The following CCDC50 variants were observed in gnomAD, a reference collection of about 807,000 sequenced individuals.
CCDC50 encodes coiled-coil domain containing 50.
CCDC50 carries 54 observed loss-of-function variants against 70.2 expected under a neutral mutation model. The ratio of observed to expected loss-of-function variants is 0.77; its 90% CI spans 0.62 to 0.96. The LOEUF is 0.96. Among genes scored for constraint, CCDC50 ranks in the 50% least tolerant of loss-of-function variants. The pLI is 0.00. For missense variants in CCDC50, 558 were observed against 578.7 expected (o/e 0.96, Z 0.37); for synonymous variants, 216 against 198.8 (o/e 1.09, Z -0.73).
rs533982166 is a variant in CCDC50, at chr3:191,355,565, G to A, written c.50-1523G>A. On this transcript the variant is annotated intron_variant, in intron 1 of 11. Coordinates refer to ENST00000392455, the MANE Select transcript of CCDC50 (RefSeq NM_178335.3). ...CCAAGCCCTGTCACCAGTGAACTCT[G>A]TACAGCCTTAGAAAACCCCTTCTTC... 3.0e-3 allele frequency among the ~76,000 whole-genome samples: 462 copies of A among 152,264 alleles called. 2 individuals carry two copies. Among genetic ancestry groups the A allele is most frequent in the African/African-American group, 0.011 (445 of 41,542 alleles).
At chr3:191,329,970 C>G (rs1345321084) in intron 1 of CCDC50, among the ~76,000 whole-genome samples, 2 of 138,216 alleles carry the variant, frequency 1.4e-5, no homozygotes, top group Non-Finnish European at 3.1e-5. Flanking sequence ...GCAGCAGCCC[C>G]AGCAAGTAGG....
chr3:191,387,915 C>G (rs1340047276), intron 10 of CCDC50, among the ~76,000 whole-genome samples: 1 of 152,062 alleles, frequency 6.6e-6, no homozygotes, highest in African/African-American at 2.4e-5. Flanking sequence ...GGGCCTGAGT[C>G]ACTTCTTAAG....
At chr3:191,337,853 G>C (rs983128247) in intron 1 of CCDC50, among the ~76,000 whole-genome samples, 1 of 151,388 alleles carries the variant, frequency 6.6e-6, no homozygotes, top group Non-Finnish European at 1.5e-5. Flanking sequence ...TTATATTATT[G>C]GTCCTGTTTA....
In CCDC50 at chr3:191,397,866, T is replaced by C. The variant is rs1713912201; in HGVS notation, c.*6106T>C. ...TTCGTGGAATTGAACAGAACCTTGA[T>C]GGAATGCAGTTGCCTGTGTGAGGAC... On this transcript the variant is annotated 3_prime_UTR_variant, in exon 12 of 12. Transcript: ENST00000392455. 1 of 152,224 alleles carries C rather than the reference T, an allele frequency of 6.6e-6. No individual in the cohort carries two copies. The highest frequency in any genetic ancestry group is 1.5e-5 in the Non-Finnish European group (1 of 68,036). 9.4% of individuals were successfully genotyped at this position (152,224 alleles called of 1,614,324 possible). A position where few individuals can be genotyped will look rare whatever the true frequency, so the allele number is the denominator to read the frequency against.
chr3:191,382,612 T>G lies in CCDC50; in HGVS notation c.1243-134T>G, dbSNP rs1713357257. 14 of 643,242 alleles carry G rather than the reference T, an allele frequency of 2.2e-5. No homozygotes were observed. The South Asian group carries it at 2.6e-4, about 12-fold the overall frequency. The allele number at this position is 643,242 out of a possible 1,614,324, so 39.8% of individuals were successfully genotyped here. A position where few individuals can be genotyped will look rare whatever the true frequency, so the allele number is the denominator to read the frequency against. ...ATATTTTATGTTCCTCAATTAAATA[T>G]AATTAATCTGAAATTACTAAGGAAG... On this transcript the variant is annotated intron_variant, in intron 9 of 11. Coordinates refer to ENST00000392455, the MANE Select transcript of CCDC50 (RefSeq NM_178335.3).
intron 5 of CCDC50, among the ~76,000 whole-genome samples, chr3:191,373,498 T>C (rs978241765): frequency 5.3e-5 from 8 of 152,280 alleles, no homozygotes; most frequent in Admixed American, 3.9e-4. Context: ...ACTTCACTTG[T>C]GCAACTCTGA....
intron 10 of CCDC50, among the ~76,000 whole-genome samples, chr3:191,386,897 A>G (rs1023622451): frequency 6.6e-6 from 1 of 152,214 alleles, no homozygotes; most frequent in African/African-American, 2.4e-5. Context: ...AAAAATTTCA[A>G]CCCATGTTCC....
chr3:191,363,332 G>A (rs942417354), intron 4 of CCDC50, among the ~76,000 whole-genome samples: 3 of 152,176 alleles, frequency 2.0e-5, no homozygotes, highest in African/African-American at 7.2e-5. Flanking sequence ...TTCTGACTTA[G>A]ACATACTGTG....
rs1713893508 is a variant in CCDC50 at position 191,397,341 on chromosome 3, A to G, written c.*5581A>G. 6.6e-6 allele frequency: 1 copy of G among 152,204 alleles called. No individual in the cohort carries two copies. The highest frequency in any genetic ancestry group is 2.1e-4 in the South Asian group (1 of 4,834). 9.4% of individuals were successfully genotyped at this position (152,204 alleles called of 1,614,324 possible). A position where few individuals can be genotyped will look rare whatever the true frequency, so the allele number is the denominator to read the frequency against. ...ATTTCTGGTCAAATTGGTCTTGGAA[A>G]TCCCTATGGTCTCTAATTTCAGCTC... is the stretch of plus-strand genomic sequence containing the variant. On this transcript the variant is annotated 3_prime_UTR_variant, in exon 12 of 12. Transcript: ENST00000392455.
At chr3:191,329,761 C>G (rs764136372) in intron 1 of CCDC50, 38 bp downstream of exon 1, 7 of 1,592,360 alleles carry the variant, frequency 4.4e-6, no homozygotes, top group African/African-American at 1.3e-5. Flanking sequence ...GGACCCTCCC[C>G]TCTCCCAGCC....
At chr3:191,370,085 A>G in intron 5 of CCDC50, 49 bp downstream of exon 5, 1 of 1,292,414 alleles carries the variant, frequency 7.7e-7, no homozygotes, top group Non-Finnish European at 1.1e-6. Context: ...CTCAACCATA[A>G]AACACTCCTT....
chr3:191,345,917 A>G (rs1205219388), intron 1 of CCDC50, among the ~76,000 whole-genome samples: 1 of 152,226 alleles, frequency 6.6e-6, no homozygotes, highest in Non-Finnish European at 1.5e-5. Flanking sequence ...TGATGATGCT[A>G]TTATATAATA....
At chr3:191,329,881 T>C (rs1159647884) in intron 1 of CCDC50, among the ~76,000 whole-genome samples, 158 bp downstream of exon 1, 10 of 143,404 alleles carry the variant, frequency 7.0e-5, no homozygotes, top group Non-Finnish European at 1.5e-4. Context: ...ATTCAGGTTC[T>C]AGTGTGGGAC....
At chr3:191,346,314 T>A (rs188407898) in intron 1 of CCDC50, among the ~76,000 whole-genome samples, 1 of 152,232 alleles carries the variant, frequency 6.6e-6, no homozygotes, top group African/African-American at 2.4e-5. Context: ...GGAAGATGAA[T>A]TGGAAAATAT....
At chr3:191,365,872 T>G (rs1392257205) in intron 4 of CCDC50, among the ~76,000 whole-genome samples, 1 of 152,154 alleles carries the variant, frequency 6.6e-6, no homozygotes, top group African/African-American at 2.4e-5. Context: ...CATATACAGA[T>G]TGAGCATCCA....
chr3:191,386,031 T>C (rs2108673956), intron 10 of CCDC50, among the ~76,000 whole-genome samples: 1 of 152,212 alleles, frequency 6.6e-6, no homozygotes, highest in African/African-American at 2.4e-5. Context: ...ACTGTAGCCT[T>C]GTATAGTTTG....
chr3:191,368,068 A>G (rs896885529), intron 4 of CCDC50, among the ~76,000 whole-genome samples: 2 of 152,018 alleles, frequency 1.3e-5, no homozygotes, highest in Non-Finnish European at 2.9e-5. Flanking sequence ...TTTAAGATTG[A>G]ATAGTTCAAA....
At chr3:191,381,987 T>C (rs796192546) in intron 9 of CCDC50, among the ~76,000 whole-genome samples, 13 of 152,306 alleles carry the variant, frequency 8.5e-5, no homozygotes, top group African/African-American at 3.1e-4. Context: ...ATATTAATTA[T>C]GTATATTTAG....
rs745822060 is a variant in CCDC50, at chr3:191,398,290, T to A, written c.*6530T>A. 6.6e-6 allele frequency: 1 copy of A among 152,236 alleles called. No homozygotes were observed. Among genetic ancestry groups the A allele is most frequent in the Non-Finnish European group, 1.5e-5 (1 of 68,038 alleles). The allele number at this position is 152,236 out of a possible 1,614,324, so 9.4% of individuals were successfully genotyped here. ...TATTTCTCATTAGGTTCTTTAAACA[T>A]CAGGTTTAATATTGATATTATGAAT... is the stretch of plus-strand genomic sequence containing the variant. On this transcript the variant is annotated 3_prime_UTR_variant, in exon 12 of 12. Transcript: ENST00000392455.
Sources: allele counts gnomAD v4.1 joint callset (sites outside exome capture counted in the v4.1 genomes callset), GRCh38; gene constraint gnomAD v4.1.1; transcripts MANE v1.5; gene names NCBI Gene and HGNC (gene_info 2026-07-23, HGNC 2026-07-21).